Variants in CCDC90B observed in about 807,000 individuals in gnomAD.
The protein encoded by CCDC90B is coiled-coil domain containing 90B.
CCDC90B carries 24 observed loss-of-function variants against 37.0 expected under a neutral mutation model. The observed-to-expected ratio is 0.65, with a 90% CI of 0.47 to 0.91. CCDC90B has a LOEUF of 0.91. CCDC90B is among the 40% of genes least tolerant of loss of function. The pLI, the probability that CCDC90B is intolerant of heterozygous loss-of-function variation, is 0.00. For synonymous variants in CCDC90B, 113 were observed against 101.1 expected (o/e 1.12, Z -0.71); for missense variants, 319 against 299.0 (o/e 1.07, Z -0.49).
intron 4 of CCDC90B, chr11:83,274,305 A>G (rs1864888006): frequency 3.5e-6 from 1 of 287,210 alleles, no homozygotes; most frequent in East Asian, 6.2e-5. Context: ...TCACAAAGAC[A>G]TTTAGTACAG....
At chr11:83,272,800 C>A (rs1864760789) in intron 7 of CCDC90B, among the ~76,000 whole-genome samples, 1 of 152,152 alleles carries the variant, frequency 6.6e-6, no homozygotes, top group Non-Finnish European at 1.5e-5. Context: ...TGGCTTTGAA[C>A]TTTTAAGAAA....
At chr11:83,263,395 A>G (rs527322369) in intron 8 of CCDC90B, among the ~76,000 whole-genome samples, 2 of 152,314 alleles carry the variant, frequency 1.3e-5, no homozygotes, top group Admixed American at 6.5e-5. Context: ...AACAACAACA[A>G]TTGGAGCCAT....
Position 83,274,671 on chromosome 11 carries a change from T to C in CCDC90B, c.394A>G (p.Ser132Gly), listed in dbSNP as rs372851934. 2 of 1,609,072 alleles carry C rather than the reference T, an allele frequency of 1.2e-6. No homozygotes were observed. The highest frequency in any genetic ancestry group is 1.7e-6 in the Non-Finnish European group (2 of 1,177,514). The change falls in exon 4 of 9, where the codon AGT becomes GGT. Residue 132 changes from serine (S) to glycine (G), a missense_variant. Physicochemically the swap from Ser to Gly is moderately conservative, Grantham distance 56. Coordinates refer to ENST00000529689, the MANE Select transcript of CCDC90B (RefSeq NM_021825.5). ...TCTGCTCTCAGATTTGCAAATTCAC[T>C]TTTCTCTAGGATGACCATGTCTTTC... ...IRKDMVILEK[S>G]EFANLRAENE...
intron 8 of CCDC90B, 54 bp downstream of exon 8, chr11:83,265,811 G>T: frequency 8.9e-7 from 1 of 1,129,094 alleles, no homozygotes; most frequent in Non-Finnish European, 1.3e-6. Flanking sequence ...ACCTTGATAG[G>T]TAGAACTAAC....
chr11:83,285,945 A>T lies in CCDC90B; in HGVS notation c.28T>A (p.Phe10Ile). Residue 10 changes from phenylalanine (F) to isoleucine (I), a missense_variant, in exon 1 of 9, where the codon TTT (phenylalanine) becomes ATT (isoleucine). Transcript: ENST00000529689. ...CGATCTCCTCTGCCTTGGGAGAGAA[A>T]GAGCCGCCAAGCCTGGCGACTATTC... MNSRQAWRL[F>I]LSQGRGDRWV... is the part of the protein sequence containing the mutation. 6.2e-7 allele frequency: 1 copy of T among 1,612,602 alleles called. No homozygotes were observed. The highest frequency in any genetic ancestry group is 8.5e-7 in the Non-Finnish European group (1 of 1,179,508).
intron 2 of CCDC90B, among the ~76,000 whole-genome samples, chr11:83,279,245 T>C (rs1464639817): frequency 5.9e-5 from 9 of 151,648 alleles, no homozygotes; most frequent in Admixed American, 5.9e-4. Context: ...CGCGCCACTT[T>C]ACTCCAGCCT....
chr11:83,266,715 T>G (rs563584247), intron 7 of CCDC90B, among the ~76,000 whole-genome samples: 11 of 152,340 alleles, frequency 7.2e-5, no homozygotes, highest in Admixed American at 5.9e-4. Context: ...TCTGCAGACT[T>G]AAATGTCCCT....
chr11:83,264,956 TGTG>T (rs1160747823), intron 8 of CCDC90B, among the ~76,000 whole-genome samples: 1 of 96,740 alleles, frequency 1.0e-5, no homozygotes, highest in African/African-American at 4.2e-5. Context: ...TGGGGACTGT[TGTG>T]GGGTGGGGGG....
At chr11:83,278,611 T>C (rs1865184467) in intron 3 of CCDC90B, 115 bp downstream of exon 3, 1 of 645,600 alleles carries the variant, frequency 1.5e-6, no homozygotes, top group South Asian at 2.0e-5. Context: ...GTGGTCCCTT[T>C]AGAGAGAACA....
intron 3 of CCDC90B, among the ~76,000 whole-genome samples, chr11:83,275,061 G>A (rs1591050703): frequency 6.6e-6 from 1 of 152,238 alleles, no homozygotes; most frequent in East Asian, 1.9e-4. Context: ...ATACCCAGAT[G>A]GAAAGGGTTT....
rs1231270180 is a variant in CCDC90B at position 83,261,908 on chromosome 11, A to C, written c.*3T>G. The C allele has an allele frequency of 3.1e-6, 5 of 1,601,494 alleles. No individual in the cohort carries two copies. Among genetic ancestry groups the C allele is most frequent in the South Asian group, 1.1e-5 (1 of 89,170 alleles). ...AACAGCCACAGCAGGATGAGCATTA[A>C]TACTACTTCCAGAATCTATAAAATC... On this transcript the variant is annotated 3_prime_UTR_variant, in exon 9 of 9. Coordinates refer to ENST00000529689, the MANE Select transcript of CCDC90B (RefSeq NM_021825.5).
chr11:83,284,943 G>C (rs1434373013), intron 1 of CCDC90B, among the ~76,000 whole-genome samples: 1 of 152,194 alleles, frequency 6.6e-6, no homozygotes, highest in Non-Finnish European at 1.5e-5. Flanking sequence ...TAACAAAAGA[G>C]ACCTTGTGAA....
At chr11:83,265,632 C>G (rs184733349) in intron 8 of CCDC90B, among the ~76,000 whole-genome samples, 1 of 152,010 alleles carries the variant, frequency 6.6e-6, no homozygotes, top group South Asian at 2.1e-4. Flanking sequence ...CCTTTGGCTG[C>G]GTCTAATTTG....
intron 7 of CCDC90B, among the ~76,000 whole-genome samples, chr11:83,271,435 C>A (rs1472261743): frequency 6.6e-6 from 1 of 152,070 alleles, no homozygotes; most frequent in South Asian, 2.1e-4. Flanking sequence ...AAAAACAACC[C>A]CATCAAAAAG....
At chr11:83,278,587 C>T in intron 3 of CCDC90B, 139 bp downstream of exon 3, 1 of 560,950 alleles carries the variant, frequency 1.8e-6, no homozygotes, top group Non-Finnish European at 3.2e-6. Flanking sequence ...TGACTTTATT[C>T]AATGTTTTTT....
rs1296457567 is a variant in CCDC90B at position 83,265,869 on chromosome 11, A to G, written c.705T>C (p.Leu235=). Residue 235 remains leucine, a synonymous_variant, in exon 8 of 9, where the codon CTT becomes CTC. Coordinates refer to ENST00000529689, the MANE Select transcript of CCDC90B (RefSeq NM_021825.5). ...TTCTTTCTCTGACAGTCTTACCTGC[A>G]AGATAACGAATTGTCTCAAGTTTGT... is the stretch of plus-strand genomic sequence containing the variant. The part of the protein sequence containing the change: ...ESNKLETIRY[L]AASVFTCLAI... 1.3e-6 allele frequency: 2 copies of G among 1,592,496 alleles called. No homozygotes were observed. The highest frequency in any genetic ancestry group is 1.7e-5 in the Admixed American group (1 of 59,614).
At chr11:83,267,621 G>C (rs992600185) in intron 7 of CCDC90B, 1 of 152,180 alleles carries the variant, frequency 6.6e-6, no homozygotes. Context: ...TATGTGAAAA[G>C]ATCAAATCTA....
intron 2 of CCDC90B, among the ~76,000 whole-genome samples, chr11:83,279,695 A>C (rs1321461798): frequency 6.6e-6 from 1 of 152,096 alleles, no homozygotes; most frequent in Admixed American, 6.5e-5. Flanking sequence ...CCTAATTTGT[A>C]ATGCCTTCAT....
In CCDC90B at chr11:83,260,826, TAACAA is replaced by T. The variant is rs558201502; in HGVS notation, c.*1080_*1084del. On this transcript the variant is annotated 3_prime_UTR_variant, in exon 9 of 9. Transcript: ENST00000529689. ...ACTTTGTAAGAAAAAATATATCTAA[TAACAA>T]AACAAAATACGAATTTAAATTTTCC... 1 of 152,326 alleles carries T rather than the reference TAACAA, an allele frequency of 6.6e-6. No homozygotes were observed. The highest frequency in any genetic ancestry group is 1.9e-4 in the East Asian group (1 of 5,190). 9.4% of individuals were successfully genotyped at this position (152,326 alleles called of 1,614,324 possible).
Sources: gnomAD v4.1 joint callset for allele counts (sites outside exome capture counted in the v4.1 genomes callset) on GRCh38, gnomAD v4.1.1 for gene constraint, MANE v1.5 for transcripts, NCBI Gene and HGNC (gene_info 2026-07-23, HGNC 2026-07-21) for gene names.